Variants in CR1L observed in about 807,000 individuals in gnomAD.
CR1L encodes the protein complement component receptor 1-like protein.
Under a neutral mutation model 62.3 loss-of-function variants are expected in CR1L, and 59 were observed. The ratio of observed to expected loss-of-function variants is 0.95; its 90% CI spans 0.77 to 1.18. The LOEUF (loss-of-function observed/expected upper bound fraction) is 1.18, where lower values mean the gene tolerates loss of function less well. Ranked by LOEUF, CR1L falls within the 50% of genes most tolerant of loss-of-function variation. The pLI, the probability that CR1L is intolerant of heterozygous loss-of-function variation, is 0.00. For missense variants in CR1L, 700 were observed against 702.8 expected (o/e 1.00, Z 0.04); for synonymous variants, 279 against 248.7 (o/e 1.12, Z -1.15).
At position 207,677,549 on chromosome 1, in the gene CR1L, T is replaced by G; in HGVS notation, c.258T>G (p.Ser86Arg). ...IICLKNSVWT[S>R]AKDKCKRKSC... The stretch of plus-strand genomic sequence containing the variant: ...GCCTAAAAAACTCAGTCTGGACAAG[T>G]GCTAAGGACAAGTGCAAACGTAAGT... Residue 86 changes from serine (S) to arginine (R), a missense_variant, in exon 2 of 12, where the codon AGT becomes AGG. Ser to Arg is a moderately radical substitution (Grantham distance 110, BLOSUM62 -1). Coordinates refer to ENST00000508064, the MANE Select transcript of CR1L (RefSeq NM_175710.2). The G allele has an allele frequency of 1.2e-6, 2 of 1,613,804 alleles. No individual in the cohort carries two copies. The highest frequency in any genetic ancestry group is 1.7e-6 in the Non-Finnish European group (2 of 1,179,774).
rs550535153 is a variant in CR1L, at chr1:207,664,705, G to C, written c.98-12684G>C. On this transcript the variant is annotated intron_variant, in intron 1 of 11. Transcript: ENST00000508064. ...ATCTAGCTTAGTGTTTGAGAGCAGA[G>C]GAGAGAATTGCTTGTGAGAAAAAGT... Among the ~76,000 whole-genome samples, 10 of 152,254 alleles carry C rather than the reference G, an allele frequency of 6.6e-5. No homozygotes were observed. In the South Asian group the frequency reaches 1.4e-3, roughly 22 times the overall value.
intron 1 of CR1L, among the ~76,000 whole-genome samples, chr1:207,651,324 C>T (rs1472599664): frequency 6.6e-6 from 1 of 151,944 alleles, no homozygotes; most frequent in Non-Finnish European, 1.5e-5. Context: ...CCAATAAGTG[C>T]ATTGCAGGAC....
intron 1 of CR1L, chr1:207,669,550 C>G: frequency 1.3e-6 from 2 of 1,565,740 alleles, no homozygotes; most frequent in East Asian, 4.6e-5. Flanking sequence ...GCTGCTCGCG[C>G]TGCCGGTGGC....
At position 207,645,370 on chromosome 1, in the gene CR1L, T is replaced by G. The variant is rs1313827695; in HGVS notation, c.97+40T>G. The G allele has an allele frequency of 4.4e-6, 7 of 1,604,476 alleles. No individual in the cohort carries two copies. The South Asian group carries it at 7.7e-5, about 18-fold the overall frequency. Reference sequence around the variant, plus strand: ...TGGATTCGCGCGTCCGCGGCGAGGCTAGAGCTCTGCTCAGTCAGTCGGGCA... The same window carrying G: ...TGGATTCGCGCGTCCGCGGCGAGGCGAGAGCTCTGCTCAGTCAGTCGGGCA... On this transcript the variant is annotated intron_variant, in intron 1 of 11. Coordinates refer to ENST00000508064, the MANE Select transcript of CR1L (RefSeq NM_175710.2).
intron 10 of CR1L, among the ~76,000 whole-genome samples, chr1:207,715,003 C>A (rs904131882): frequency 6.6e-6 from 1 of 152,152 alleles, no homozygotes; most frequent in Non-Finnish European, 1.5e-5. Context: ...ATGGAGAAGT[C>A]TGGTTCTGTG....
chr1:207,688,525 C>A (rs1431377762), intron 4 of CR1L, among the ~76,000 whole-genome samples: 1 of 152,188 alleles, frequency 6.6e-6, no homozygotes, highest in Non-Finnish European at 1.5e-5. Context: ...TATCTTCTAA[C>A]TATGTGCATC....
intron 9 of CR1L, among the ~76,000 whole-genome samples, 186 bp from the exon 10 acceptor site, chr1:207,707,992 C>T (rs954923785): frequency 8.5e-5 from 13 of 152,126 alleles, no homozygotes; most frequent in African/African-American, 3.1e-4. Context: ...GAAGTTAGAG[C>T]AGAAATATCT....
At chr1:207,659,187 C>T (rs1663367881) in intron 1 of CR1L, 1 of 152,418 alleles carries the variant, frequency 6.6e-6, no homozygotes, top group Admixed American at 6.5e-5. Context: ...GATGGGATCC[C>T]GCCAAGGGAA....
intron 1 of CR1L, among the ~76,000 whole-genome samples, chr1:207,676,702 T>C (rs1255592504): frequency 6.6e-6 from 1 of 152,218 alleles, no homozygotes; most frequent in Admixed American, 6.5e-5. Context: ...TCACCCAGGC[T>C]GGAGTGCAGT....
At chr1:207,693,092 T>G (rs1460710721) in intron 4 of CR1L, among the ~76,000 whole-genome samples, 1 of 152,188 alleles carries the variant, frequency 6.6e-6, no homozygotes, top group African/African-American at 2.4e-5. Flanking sequence ...TAAAATAGAT[T>G]TTTTACAATA....
At chr1:207,663,675 G>A (rs995347432) in intron 1 of CR1L, among the ~76,000 whole-genome samples, 7 of 152,164 alleles carry the variant, frequency 4.6e-5, no homozygotes, top group African/African-American at 7.2e-5. Context: ...AGATGAACCC[G>A]GTACCTCAGT....
At chr1:207,699,155 A>G in intron 7 of CR1L, 34 bp from the exon 8 acceptor site, 2 of 1,613,046 alleles carry the variant, frequency 1.2e-6, no homozygotes, top group Non-Finnish European at 1.7e-6. Context: ...CTTGGCTGAA[A>G]CAGCTCGCTA....
chr1:207,650,171 C>T (rs1339155014), intron 1 of CR1L, among the ~76,000 whole-genome samples: 4 of 151,980 alleles, frequency 2.6e-5, no homozygotes, highest in Non-Finnish European at 5.9e-5. Flanking sequence ...GGAGAGATAC[C>T]CAGCTAGGAG....
chr1:207,660,563 C>T (rs1294345766), intron 1 of CR1L, among the ~76,000 whole-genome samples: 1 of 152,222 alleles, frequency 6.6e-6, no homozygotes, highest in Admixed American at 6.5e-5. Flanking sequence ...TGCTAGCAGT[C>T]TATCAATTTT....
chr1:207,678,743 G>C (rs1663746899), intron 3 of CR1L, among the ~76,000 whole-genome samples: 1 of 152,154 alleles, frequency 6.6e-6, no homozygotes, highest in African/African-American at 2.4e-5. Flanking sequence ...AGTTTTTGGA[G>C]TTCTGTTCCG....
chr1:207,675,576 G>A (rs1051742677), intron 1 of CR1L, among the ~76,000 whole-genome samples: 2 of 152,194 alleles, frequency 1.3e-5, no homozygotes, highest in Non-Finnish European at 2.9e-5. Flanking sequence ...GATGAAGCAG[G>A]AAACATAGAC....
chr1:207,714,245 T>C (rs1234198027), intron 10 of CR1L, among the ~76,000 whole-genome samples: 1 of 152,136 alleles, frequency 6.6e-6, no homozygotes, highest in Non-Finnish European at 1.5e-5. Context: ...ATTGGAAGTG[T>C]GTGTTAATTG....
intron 11 of CR1L, 87 bp from the exon 12 acceptor site, chr1:207,723,531 C>T: frequency 9.0e-7 from 1 of 1,116,344 alleles, no homozygotes; most frequent in South Asian, 1.6e-5. Context: ...GAATAAAAAT[C>T]AGGATAAATT....
chr1:207,675,964 A>G (rs1663683939), intron 1 of CR1L, among the ~76,000 whole-genome samples: 3 of 152,186 alleles, frequency 2.0e-5, no homozygotes. Context: ...ACAGACTTCC[A>G]ACATTGGTGG....
Sources: allele counts gnomAD v4.1 joint callset (sites outside exome capture counted in the v4.1 genomes callset), GRCh38; gene constraint gnomAD v4.1.1; transcripts MANE v1.5; gene names NCBI Gene and HGNC (gene_info 2026-07-23, HGNC 2026-07-21).